The following AMBRA1 variants were observed in gnomAD, a reference collection of about 807,000 sequenced individuals.
AMBRA1 encodes activating molecule in BECN1-regulated autophagy protein 1.
AMBRA1 carries 47 observed loss-of-function variants against 125.4 expected under a neutral mutation model. The observed-to-expected ratio is 0.37, with a 90% CI of 0.30 to 0.48. The LOEUF is 0.48. Among genes scored for constraint, AMBRA1 ranks in the 20% least tolerant of loss-of-function variants. The probability of loss-of-function intolerance (pLI) is 0.99; values close to 1 mark genes in which losing one functional copy is unlikely to be tolerated. For synonymous variants in AMBRA1, 626 were observed against 655.5 expected (o/e 0.95, Z 0.69); for missense variants, 1,331 against 1,693.4 (o/e 0.79, Z 3.76).
intron 7 of AMBRA1, among the ~76,000 whole-genome samples, chr11:46,536,152 C>A (rs551125302): frequency 2.6e-5 from 4 of 152,144 alleles, no homozygotes; most frequent in African/African-American, 7.2e-5. Flanking sequence ...CATATGAAAC[C>A]ATAAGGAACA....
intron 1 of AMBRA1, among the ~76,000 whole-genome samples, chr11:46,588,117 G>C (rs2044467023): frequency 6.6e-6 from 1 of 152,186 alleles, no homozygotes; most frequent in South Asian, 2.1e-4. Flanking sequence ...CAGATGACTT[G>C]AGGTCAGGGG....
In AMBRA1 at chr11:46,545,743, T is replaced by C; in HGVS notation, c.412A>G (p.Asn138Asp). 1 of 1,614,198 alleles carries C rather than the reference T, an allele frequency of 6.2e-7. No homozygotes were observed. The highest frequency in any genetic ancestry group is 8.5e-7 in the Non-Finnish European group (1 of 1,180,024). Reference sequence around the variant, plus strand: ...TGGAAAGCCAGGGAGGCAATGGCATTGTTGCTATCTGTGAACCAGCTTTCA... The same window carrying C: ...TGGAAAGCCAGGGAGGCAATGGCATCGTTGCTATCTGTGAACCAGCTTTCA... ...GSESWFTDSN[N>D]AIASLAFHPT... Residue 138 changes from asparagine to aspartate, a missense_variant, in exon 5 of 18, where the codon AAT (asparagine) becomes GAT (aspartate). By Grantham distance (23) the Asn-to-Asp change is conservative. Around this residue, in one of 4 missense-constraint regions of AMBRA1, gnomAD observed 144 missense variants for 250.4 expected, o/e 0.58. Transcript: ENST00000683756.
intron 11 of AMBRA1, among the ~76,000 whole-genome samples, chr11:46,488,346 C>T (rs1241229815): frequency 6.6e-6 from 1 of 152,030 alleles, no homozygotes; most frequent in Non-Finnish European, 1.5e-5. Flanking sequence ...ATCTCAGCTA[C>T]TCAGGAGGCT....
chr11:46,492,720 A>G (rs960971674), intron 11 of AMBRA1, among the ~76,000 whole-genome samples: 1 of 152,194 alleles, frequency 6.6e-6, no homozygotes, highest in Non-Finnish European at 1.5e-5. Context: ...CATGCCTCAC[A>G]GCCGAAAAAC....
chr11:46,569,596 T>C (rs879644166), intron 1 of AMBRA1, among the ~76,000 whole-genome samples: 4 of 151,946 alleles, frequency 2.6e-5, no homozygotes, highest in Non-Finnish European at 5.9e-5. Flanking sequence ...ACTATAGAAA[T>C]AGCATTCCAA....
At chr11:46,551,447 A>T (rs1289132847) in intron 1 of AMBRA1, among the ~76,000 whole-genome samples, 1 of 152,152 alleles carries the variant, frequency 6.6e-6, no homozygotes, top group African/African-American at 2.4e-5. Flanking sequence ...AGAGTAGCTA[A>T]CTTTTAAAAT....
At chr11:46,469,263 C>T (rs1949470696) in intron 11 of AMBRA1, among the ~76,000 whole-genome samples, 1 of 152,146 alleles carries the variant, frequency 6.6e-6, no homozygotes, top group Non-Finnish European at 1.5e-5. Context: ...GCTGAACTCT[C>T]CAGCTCCTAA....
At chr11:46,555,141 C>T (rs554182360) in intron 1 of AMBRA1, among the ~76,000 whole-genome samples, 78 of 152,270 alleles carry the variant, frequency 5.1e-4, no homozygotes, top group African/African-American at 1.7e-3. Context: ...CACACATACT[C>T]CCACTCCCAA....
intron 1 of AMBRA1, among the ~76,000 whole-genome samples, chr11:46,565,502 T>A (rs2135254283): frequency 6.6e-6 from 1 of 151,222 alleles, no homozygotes; most frequent in South Asian, 2.1e-4. Context: ...AGCCCAAGAG[T>A]TCAAGACCAG....
At chr11:46,574,251 AC>A (rs1430679172) in intron 1 of AMBRA1, among the ~76,000 whole-genome samples, 8 of 138,074 alleles carry the variant, frequency 5.8e-5, no homozygotes, top group African/African-American at 2.3e-4. Flanking sequence ...ACTGACTTCC[AC>A]AATGGTTGAA....
At chr11:46,406,890 A>G (rs915033679) in intron 17 of AMBRA1, among the ~76,000 whole-genome samples, 1 of 148,928 alleles carries the variant, frequency 6.7e-6, no homozygotes, top group African/African-American at 2.5e-5. Context: ...CTCAAAAAAT[A>G]AAAAAACAGG....
chr11:46,578,697 C>T (rs2044053584), intron 1 of AMBRA1, among the ~76,000 whole-genome samples: 1 of 151,144 alleles, frequency 6.6e-6, no homozygotes, highest in Non-Finnish European at 1.5e-5. Context: ...TCCTGGCTAA[C>T]ACGGTGAAAC....
chr11:46,494,386 A>T (rs1950562754), intron 9 of AMBRA1, among the ~76,000 whole-genome samples, 182 bp from the exon 10 acceptor site: 1 of 152,230 alleles, frequency 6.6e-6, no homozygotes, highest in African/African-American at 2.4e-5. Context: ...GGAGAACCTC[A>T]ACTAAGAGAT....
Position 46,410,273 on chromosome 11 carries a change from T to C in AMBRA1, c.3209+3A>G. 1 of 1,613,352 alleles carries C rather than the reference T, an allele frequency of 6.2e-7. No individual in the cohort carries two copies. Among genetic ancestry groups the C allele is most frequent in the Non-Finnish European group, 8.5e-7 (1 of 1,179,800 alleles). On this transcript the variant is annotated splice_donor_region_variant and intron_variant, in intron 16 of 17. Transcript: ENST00000683756. ...CTGCTCCCTGCCTACTTCCCAAACA[T>C]ACCCAGGCCGCTCGCTGCTCCTGCT...
chr11:46,590,502 T>C (rs963391380), intron 1 of AMBRA1, among the ~76,000 whole-genome samples: 2 of 152,012 alleles, frequency 1.3e-5, no homozygotes, highest in East Asian at 1.9e-4. Context: ...ACTTTATTAA[T>C]AAAAATAATC....
chr11:46,462,128 G>A (rs996139173), intron 11 of AMBRA1, among the ~76,000 whole-genome samples: 1 of 152,106 alleles, frequency 6.6e-6, no homozygotes, highest in South Asian at 2.1e-4. Context: ...AATGTATTTT[G>A]GTGTTTCCTT....
At chr11:46,493,557 C>T (rs1950536219) in intron 11 of AMBRA1, 51 bp downstream of exon 11, 5 of 1,445,080 alleles carry the variant, frequency 3.5e-6, no homozygotes, top group Non-Finnish European at 4.8e-6. Context: ...GAAGCTTTAT[C>T]TGGCTCCTTG....
intron 12 of AMBRA1, among the ~76,000 whole-genome samples, chr11:46,441,386 C>T (rs1947997043): frequency 6.6e-6 from 1 of 151,908 alleles, no homozygotes; most frequent in Non-Finnish European, 1.5e-5. Context: ...TGGTGGCGTG[C>T]ACCTGTAGTC....
chr11:46,579,707 A>T (rs778072154), intron 1 of AMBRA1, among the ~76,000 whole-genome samples: 5 of 152,014 alleles, frequency 3.3e-5, no homozygotes, highest in Admixed American at 1.3e-4. Context: ...GAGGAAACAG[A>T]CATGTTTTGT....
Sources: allele counts gnomAD v4.1 joint callset (sites outside exome capture counted in the v4.1 genomes callset), GRCh38; gene constraint gnomAD v4.1.1; regional missense constraint gnomAD v4.1.1; transcripts MANE v1.5; gene names NCBI Gene and HGNC (gene_info 2026-07-23, HGNC 2026-07-21).